LRRC4C: variants seen among roughly 807,000 people sequenced by gnomAD.
LRRC4C encodes the protein leucine rich repeat containing 4C.
Under a neutral mutation model 33.6 loss-of-function variants are expected in LRRC4C, and 5 were observed. The observed-to-expected ratio is 0.15, with a 90% CI of 0.08 to 0.31. The LOEUF (loss-of-function observed/expected upper bound fraction) is 0.31, where lower values mean the gene tolerates loss of function less well. Among genes scored for constraint, LRRC4C ranks in the 10% least tolerant of loss-of-function variants. The pLI is 1.00. For missense variants in LRRC4C, 560 were observed against 796.7 expected (o/e 0.70, Z 3.58); for synonymous variants, 329 against 302.0 (o/e 1.09, Z -0.93).
At chr11:40,501,353 G>T (rs894582719) in intron 3 of LRRC4C, among the ~76,000 whole-genome samples, 1 of 152,188 alleles carries the variant, frequency 6.6e-6, no homozygotes, top group African/African-American at 2.4e-5. Context: ...CCCCAGTGGG[G>T]ACTCTGTGTG....
intron 5 of LRRC4C, among the ~76,000 whole-genome samples, chr11:40,222,368 T>C (rs1864483884): frequency 6.6e-6 from 1 of 152,158 alleles, no homozygotes; most frequent in Non-Finnish European, 1.5e-5. Context: ...ACATTAAAAA[T>C]ACCCAGTAAG....
chr11:40,929,739 C>CG (rs1592119005), intron 2 of LRRC4C, among the ~76,000 whole-genome samples: 1 of 152,162 alleles, frequency 6.6e-6, no homozygotes, highest in East Asian at 1.9e-4. Flanking sequence ...CTCAGCCTCC[C>CG]GAGTAGCTAG....
chr11:41,211,181 G>A (rs1021269), intron 1 of LRRC4C, among the ~76,000 whole-genome samples: 2 of 152,100 alleles, frequency 1.3e-5, no homozygotes, highest in South Asian at 4.1e-4. Context: ...ACTGGAGATG[G>A]TATTCTAATA....
At chr11:41,295,345 G>T (rs1950107298) in intron 1 of LRRC4C, among the ~76,000 whole-genome samples, 1 of 152,074 alleles carries the variant, frequency 6.6e-6, no homozygotes, top group Non-Finnish European at 1.5e-5. Context: ...TATACAATAT[G>T]CGGTAAAAAA....
chr11:40,468,078 T>C (rs1952741617), intron 3 of LRRC4C, among the ~76,000 whole-genome samples: 1 of 152,184 alleles, frequency 6.6e-6, no homozygotes, highest in Non-Finnish European at 1.5e-5. Context: ...GTTGGGAAGC[T>C]ATGTGACTTT....
intron 2 of LRRC4C, among the ~76,000 whole-genome samples, chr11:40,750,113 T>C (rs936184444): frequency 1.8e-4 from 28 of 151,888 alleles, no homozygotes; most frequent in African/African-American, 6.5e-4. Flanking sequence ...TCCCAGCTAT[T>C]TGGGAGGCTG....
At chr11:40,152,366 G>A (rs1858293657) in intron 5 of LRRC4C, among the ~76,000 whole-genome samples, 1 of 152,194 alleles carries the variant, frequency 6.6e-6, no homozygotes, top group Non-Finnish European at 1.5e-5. Context: ...GAGGGTGGCA[G>A]GGGGTAAAAC....
chr11:40,668,735 A>G (rs1368865685), intron 2 of LRRC4C, among the ~76,000 whole-genome samples: 3 of 152,176 alleles, frequency 2.0e-5, no homozygotes, highest in Non-Finnish European at 4.4e-5. Flanking sequence ...TCTTACTTGT[A>G]TTTAAAAAAT....
At chr11:40,233,944 T>A (rs1865377533) in intron 5 of LRRC4C, among the ~76,000 whole-genome samples, 1 of 152,176 alleles carries the variant, frequency 6.6e-6, no homozygotes, top group Non-Finnish European at 1.5e-5. Flanking sequence ...TTCACATTTA[T>A]ACTCTTATTT....
At chr11:41,330,840 T>G (rs1350393707) in intron 1 of LRRC4C, among the ~76,000 whole-genome samples, 1 of 152,070 alleles carries the variant, frequency 6.6e-6, no homozygotes, top group Non-Finnish European at 1.5e-5. Context: ...CAATCTTATC[T>G]TACAAGTATA....
intron 1 of LRRC4C, among the ~76,000 whole-genome samples, chr11:41,033,167 C>T (rs1406483179): frequency 2.0e-5 from 3 of 151,646 alleles, no homozygotes; most frequent in Non-Finnish European, 2.9e-5. Context: ...TTAGGCTCCT[C>T]AAGGGGAATA....
chr11:41,198,214 GCTGT>G (rs1387216280), intron 1 of LRRC4C, among the ~76,000 whole-genome samples: 1 of 151,722 alleles, frequency 6.6e-6, no homozygotes, highest in African/African-American at 2.4e-5. Context: ...CAATTCAGTG[GCTGT>G]CTGATCCCTA....
chr11:40,847,901 T>G (rs1460393473), intron 2 of LRRC4C, among the ~76,000 whole-genome samples: 1 of 151,368 alleles, frequency 6.6e-6, no homozygotes, highest in Non-Finnish European at 1.5e-5. Context: ...GGTGTATGTG[T>G]CCAGGAATTT....
chr11:40,816,754 A>G (rs1951721013), intron 2 of LRRC4C, among the ~76,000 whole-genome samples: 1 of 152,184 alleles, frequency 6.6e-6, no homozygotes, highest in South Asian at 2.1e-4. Context: ...TAGGCTTAGA[A>G]AACAACTTTT....
At chr11:40,706,590 C>A (rs935797376) in intron 2 of LRRC4C, among the ~76,000 whole-genome samples, 22 of 152,134 alleles carry the variant, frequency 1.4e-4, no homozygotes, top group Admixed American at 1.3e-3. Flanking sequence ...CGTACCAGTA[C>A]CATGCTGTTT....
intron 2 of LRRC4C, among the ~76,000 whole-genome samples, chr11:40,892,134 C>A (rs1382910365): frequency 3.4e-3 from 387 of 113,858 alleles, no homozygotes; most frequent in African/African-American, 4.6e-3. Flanking sequence ...GATTGTGTCT[C>A]AAAAAAAAAA....
intron 1 of LRRC4C, among the ~76,000 whole-genome samples, chr11:41,448,835 G>T (rs1410066336): frequency 6.6e-6 from 1 of 151,974 alleles, no homozygotes; most frequent in Non-Finnish European, 1.5e-5. Context: ...TAGTTGTTTT[G>T]GAGAAAAGAT....
intron 2 of LRRC4C, among the ~76,000 whole-genome samples, chr11:40,664,997 T>C (rs7929380): frequency 0.53 from 78,259 of 148,380 alleles, 21,965 homozygotes; most frequent in East Asian, 0.71. Flanking sequence ...ATTGTTCAAT[T>C]CCCACCTATG....
chr11:41,033,068 G>C (rs1856821350), intron 1 of LRRC4C, among the ~76,000 whole-genome samples: 1 of 152,058 alleles, frequency 6.6e-6, no homozygotes, highest in African/African-American at 2.4e-5. Flanking sequence ...TTAATTGTTA[G>C]TCTCTGTCTC....
Sources: gnomAD v4.1 joint callset for allele counts (sites outside exome capture counted in the v4.1 genomes callset) on GRCh38, gnomAD v4.1.1 for gene constraint, MANE v1.5 for transcripts, NCBI Gene and HGNC (gene_info 2026-07-23, HGNC 2026-07-21) for gene names.